The following HERC4 variants were observed in gnomAD, a reference collection of about 807,000 sequenced individuals.
HERC4 encodes HECT and RLD domain containing E3 ubiquitin protein ligase 4, also known as probable E3 ubiquitin-protein ligase HERC4.
Under a neutral mutation model 124.3 loss-of-function variants are expected in HERC4, and 28 were observed. The observed-to-expected ratio is 0.23, with a 90% CI of 0.17 to 0.31. The LOEUF (loss-of-function observed/expected upper bound fraction) is 0.31. Ranked by LOEUF, HERC4 falls within the 10% of genes least tolerant of loss-of-function variation. The pLI, the probability that HERC4 is intolerant of heterozygous loss-of-function variation, is 1.00. For synonymous variants in HERC4, 407 were observed against 421.5 expected, an observed-to-expected ratio of 0.97 and a Z score of 0.42; for missense variants, 713 against 1,229.3, an observed-to-expected ratio of 0.58 and a Z score of 6.28.
chr10:67,967,088 T>C (rs539926005), intron 15 of HERC4, among the ~76,000 whole-genome samples: 115 of 152,308 alleles, frequency 7.6e-4, no homozygotes, highest in African/African-American at 2.5e-3. Flanking sequence ...TCTCCTGACC[T>C]TGTGATCTGT....
chr10:68,025,780 T>A (rs1386237318), intron 7 of HERC4, 104 bp from the exon 8 acceptor site: 1 of 1,187,330 alleles, frequency 8.4e-7, no homozygotes, highest in Non-Finnish European at 1.2e-6. Flanking sequence ...CAGTTTTTTC[T>A]CTTCTAAGAA....
intron 8 of HERC4, among the ~76,000 whole-genome samples, chr10:68,023,875 T>C (rs1273529007): frequency 6.6e-6 from 1 of 152,168 alleles, no homozygotes; most frequent in Non-Finnish European, 1.5e-5. Flanking sequence ...TTTTTGAAGA[T>C]AACAGAGATG....
chr10:67,953,772 A>C (rs1209377967), intron 19 of HERC4, among the ~76,000 whole-genome samples: 1 of 152,226 alleles, frequency 6.6e-6, no homozygotes, highest in African/African-American at 2.4e-5. Flanking sequence ...ACTACTAAGG[A>C]ATCAGAAAAC....
rs75461745 is a variant in HERC4 at position 67,986,185 on chromosome 10, A to G, written c.1806+2478T>C. The stretch of plus-strand genomic sequence containing the variant: ...AGCCTCCCAAAAAGAGATGTTTAAG[A>G]AAGTCATACCAGTATCATCCTGCTT... On this transcript the variant is annotated intron_variant, in intron 15 of 24. Transcript: ENST00000373700. 8.3e-3 allele frequency among the ~76,000 whole-genome samples: 1,262 copies of G among 152,336 alleles called. 18 individuals are homozygous for G. Among genetic ancestry groups the G allele is most frequent in the African/African-American group, 0.029 (1,215 of 41,556 alleles).
intron 3 of HERC4, among the ~76,000 whole-genome samples, chr10:68,061,270 T>C (rs1412445134): frequency 6.6e-6 from 1 of 151,932 alleles, no homozygotes; most frequent in African/African-American, 2.4e-5. Flanking sequence ...AACACAGTAA[T>C]TAAGAATAGG....
intron 6 of HERC4, 112 bp downstream of exon 6, chr10:68,033,845 TCATCCCCA>T (rs1216558014): frequency 4.0e-6 from 3 of 741,472 alleles, no homozygotes; most frequent in Non-Finnish European, 6.5e-6. Flanking sequence ...AAATAACATC[TCATCCCCA>T]CCTCTATACC....
chr10:67,945,185 AG>A (rs2033227538), intron 19 of HERC4, among the ~76,000 whole-genome samples: 2 of 151,760 alleles, frequency 1.3e-5, no homozygotes, highest in Non-Finnish European at 2.9e-5. Flanking sequence ...TCAAGGATAA[AG>A]AAAGGATCCT....
In HERC4 at chr10:68,040,356, T is replaced by C. The variant is rs1044802808; in HGVS notation, c.387-2187A>G. ...CCCCTTTCATCTTCATATAAATGTA[T>C]TAATACCCTAAAGAATGGGGGATAT... On this transcript the variant is annotated intron_variant, in intron 4 of 24. Coordinates refer to ENST00000373700, the MANE Select transcript of HERC4 (RefSeq NM_015601.4). 6 of 948,718 alleles carry C rather than the reference T, an allele frequency of 6.3e-6. No individual in the cohort carries two copies. In the African/African-American group the frequency reaches 1.1e-4, roughly 17 times the overall value. 58.8% of individuals were successfully genotyped at this position (948,718 alleles called of 1,614,324 possible). A position where few individuals can be genotyped will look rare whatever the true frequency, so the allele number is the denominator to read the frequency against.
intron 23 of HERC4, 111 bp from the exon 24 acceptor site, chr10:67,925,298 C>A (rs2030775052): frequency 1.8e-6 from 1 of 550,168 alleles, no homozygotes; most frequent in Non-Finnish European, 3.3e-6. Flanking sequence ...CAATGGATTG[C>A]CCACTGTTTT....
intron 22 of HERC4, among the ~76,000 whole-genome samples, chr10:67,933,168 A>C (rs1480362372): frequency 2.6e-5 from 4 of 152,208 alleles, no homozygotes; most frequent in Non-Finnish European, 5.9e-5. Context: ...GGTGACAAAA[A>C]AATGAGAGCT....
chr10:68,073,131 C>T lies in HERC4; in HGVS notation c.-23G>A. 6.3e-7 allele frequency: 1 copy of T among 1,589,218 alleles called. No homozygotes were observed. Among genetic ancestry groups the T allele is most frequent in the Non-Finnish European group, 8.6e-7 (1 of 1,166,588 alleles). ...CATGCTTGTAATTATTTTGGTCTTCCAGTTTCAATAAAAAATTCTCTTCTG... is the reference window on the plus strand; with the variant it reads ...CATGCTTGTAATTATTTTGGTCTTCTAGTTTCAATAAAAAATTCTCTTCTG... On this transcript the variant is annotated 5_prime_UTR_variant, in exon 3 of 25. Transcript: ENST00000373700.
At chr10:67,986,175 G>A (rs958771044) in intron 15 of HERC4, among the ~76,000 whole-genome samples, 1 of 152,136 alleles carries the variant, frequency 6.6e-6, no homozygotes, top group African/African-American at 2.4e-5. Context: ...CCCAAAAAGA[G>A]ATGTTTAAGA....
chr10:67,934,152 T>G (rs2132057828), intron 22 of HERC4, among the ~76,000 whole-genome samples: 1 of 152,378 alleles, frequency 6.6e-6, no homozygotes, highest in South Asian at 2.1e-4. Context: ...GGATTAATCT[T>G]TAATGTAATT....
chr10:68,070,795 A>C (rs1044311950), intron 3 of HERC4, among the ~76,000 whole-genome samples: 2 of 147,066 alleles, frequency 1.4e-5, no homozygotes, highest in Non-Finnish European at 3.1e-5. Flanking sequence ...TCTCAGGATC[A>C]GGACCCCCCC....
In HERC4 at chr10:67,997,468, ATTAT is replaced by A. The variant is rs535099225; in HGVS notation, c.1070-4790_1070-4787del. 2.9e-3 allele frequency among the ~76,000 whole-genome samples: 447 copies of A among 152,274 alleles called. 1 individual carries two copies. Among genetic ancestry groups the A allele is most frequent in the African/African-American group, 0.01 (435 of 41,566 alleles). On this transcript the variant is annotated intron_variant, in intron 9 of 24. Coordinates refer to ENST00000373700, the MANE Select transcript of HERC4 (RefSeq NM_015601.4). ...ACCGTAGTAAAATAGGTAACTAAGT[ATTAT>A]TTCTCAAGCACTTATGATTATATCT...
chr10:68,061,879 TAAAAAAAAAAAAAA>T (rs71470503), intron 3 of HERC4, among the ~76,000 whole-genome samples: 183 of 54,880 alleles, frequency 3.3e-3, no homozygotes, highest in East Asian at 6.9e-3. Flanking sequence ...AGACTCCATT[TAAAAAAAAAAAAAA>T]AAAAAAAAAA....
intron 24 of HERC4, among the ~76,000 whole-genome samples, chr10:67,924,099 T>C (rs922405431): frequency 3.3e-5 from 5 of 152,124 alleles, no homozygotes; most frequent in South Asian, 2.1e-4. Context: ...AGCAATACAG[T>C]TGGCCCTCCG....
At chr10:68,049,608 A>AAAAC (rs2040192409) in intron 3 of HERC4, among the ~76,000 whole-genome samples, 1 of 150,834 alleles carries the variant, frequency 6.6e-6, no homozygotes, top group East Asian at 1.9e-4. Context: ...AAAAAAAAAA[A>AAAAC]AAAAACACTT....
rs530313986 is a variant in HERC4, at chr10:67,934,607, A to G, written c.2654+1546T>C. ...AACTTCCTGAGAAAAAGGCATCAGA[A>G]GTAAACTCTCTGAGACTGTGCATGT... is the stretch of plus-strand genomic sequence containing the variant. On this transcript the variant is annotated intron_variant, in intron 22 of 24. Transcript: ENST00000373700. 8.2e-4 allele frequency among the ~76,000 whole-genome samples: 124 copies of G among 151,972 alleles called. 1 individual carries two copies. The highest frequency in any genetic ancestry group is 5.4e-3 in the South Asian group (26 of 4,828).
Sources: gnomAD v4.1 joint callset for allele counts (sites outside exome capture counted in the v4.1 genomes callset) on GRCh38, gnomAD v4.1.1 for gene constraint, MANE v1.5 for transcripts, NCBI Gene and HGNC (gene_info 2026-07-23, HGNC 2026-07-21) for gene names.